MYO18A: variants seen among roughly 807,000 people sequenced by gnomAD.
MYO18A encodes the protein myosin XVIIIA.
In MYO18A, 78 loss-of-function variants were observed where a neutral mutation model predicts 235.8. The observed-to-expected ratio is 0.33, with a 90% CI of 0.28 to 0.40. The LOEUF is 0.40. Ranked by LOEUF, MYO18A falls within the 10% of genes least tolerant of loss-of-function variation. The pLI, the probability that MYO18A is intolerant of heterozygous loss-of-function variation, is 1.00. For missense variants in MYO18A, 2,215 were observed against 2,699.3 expected, an observed-to-expected ratio of 0.82 and a Z score of 3.98; for synonymous variants, 977 against 1,077.8, an observed-to-expected ratio of 0.91 and a Z score of 1.83.
chr17:29,137,765 A>C (rs2067639166), intron 2 of MYO18A, among the ~76,000 whole-genome samples: 2 of 152,204 alleles, frequency 1.3e-5, no homozygotes, highest in Admixed American at 1.3e-4. Context: ...TCCATATAAA[A>C]TGACATCAAT....
chr17:29,079,482 G>T (rs1304134433), intron 41 of MYO18A, among the ~76,000 whole-genome samples: 2 of 152,216 alleles, frequency 1.3e-5, no homozygotes, highest in Non-Finnish European at 2.9e-5. Context: ...CCTGGTTCAG[G>T]GTCAGGACTT....
In MYO18A at chr17:29,116,613, GCACA is replaced by G. The variant is rs144361514; in HGVS notation, c.2039-162_2039-159del. Among the ~76,000 whole-genome samples the G allele has an allele frequency of 4.1e-5, 6 of 144,806 alleles. No homozygotes were observed. The South Asian group carries it at 8.9e-4, about 21-fold the overall frequency. The allele number at this position is 144,806 out of a possible 152,430, so 95.0% of individuals were successfully genotyped here. On this transcript the variant is annotated intron_variant, in intron 10 of 41. Coordinates refer to ENST00000527372, the MANE Select transcript of MYO18A (RefSeq NM_078471.4). Reference sequence around the variant, plus strand: ...AACCACAGTCAGACTTGGGACAAACGCACACACACACAGTCTCCAGGGAGTATGT... The same window carrying G: ...AACCACAGTCAGACTTGGGACAAACGCACACACAGTCTCCAGGGAGTATGT...
At position 29,107,134 on chromosome 17, in the gene MYO18A, G is replaced by T; in HGVS notation, c.3387C>A (p.Ala1129=). ...GCCCGTGTTTCTTGGTCAGGTGCGG[G>T]GCCAGGACATCAAAGCGGCGGCGGA... ...SEFRRRFDVL[A]PHLTKKHGRN... The change falls in exon 20 of 42, where the codon GCC becomes GCA. Residue 1129 remains alanine (A), a synonymous_variant. Transcript: ENST00000527372. 6.2e-7 allele frequency: 1 copy of T among 1,613,974 alleles called. No homozygotes were observed. Among genetic ancestry groups the T allele is most frequent in the Non-Finnish European group, 8.5e-7 (1 of 1,179,870 alleles).
At chr17:29,105,606 G>A (rs2066764705) in intron 20 of MYO18A, among the ~76,000 whole-genome samples, 1 of 152,184 alleles carries the variant, frequency 6.6e-6, no homozygotes, top group Admixed American at 6.5e-5. Flanking sequence ...AGAGAGGTTT[G>A]CAGGAGGCAG....
At chr17:29,171,397 G>A (rs1262800666) in intron 1 of MYO18A, among the ~76,000 whole-genome samples, 1 of 151,678 alleles carries the variant, frequency 6.6e-6, no homozygotes, top group African/African-American at 2.4e-5. Context: ...AGATGATTGC[G>A]CCACTGCACT....
In MYO18A at chr17:29,086,508, G is replaced by A. The variant is rs1236155725; in HGVS notation, c.5782C>T (p.Arg1928Cys). The part of the protein sequence containing the change: ...LQADLKLAFK[R>C]IGDLQAAIED... ...ATGGCAGCCTGCAGGTCCCCGATGCGCTTGAATGCCAACTTTAGGTCAGCC... is the reference window on the plus strand; with the variant it reads ...ATGGCAGCCTGCAGGTCCCCGATGCACTTGAATGCCAACTTTAGGTCAGCC... Residue 1928 changes from arginine (R) to cysteine (C), a missense_variant, in exon 39 of 42, where the codon CGC becomes TGC. Coordinates refer to ENST00000527372, the MANE Select transcript of MYO18A (RefSeq NM_078471.4). The A allele has an allele frequency of 3.1e-6, 5 of 1,612,298 alleles. No homozygotes were observed. Among genetic ancestry groups the A allele is most frequent in the Non-Finnish European group, 4.2e-6 (5 of 1,179,228 alleles).
In MYO18A at chr17:29,119,442, C is replaced by T. The variant is rs758050201; in HGVS notation, c.1729-7G>A. 17 of 1,605,694 alleles carry T rather than the reference C, an allele frequency of 1.1e-5. No individual in the cohort carries two copies. Among genetic ancestry groups the T allele is most frequent in the Non-Finnish European group, 1.2e-5 (14 of 1,176,514 alleles). On this transcript the variant is annotated splice_region_variant and splice_polypyrimidine_tract_variant and intron_variant, in intron 7 of 41. Transcript: ENST00000527372. ...GCTTCTCCAGAAGCATTGTCTGTGA[C>T]ACAGCATGGACGTGTGGGTAAGGAG...
At chr17:29,079,761 C>T (rs1468780947) in intron 41 of MYO18A, 2 of 985,966 alleles carry the variant, frequency 2.0e-6, no homozygotes, top group Non-Finnish European at 2.4e-6. Flanking sequence ...ACAGGTACCG[C>T]ATCATCAGGC....
At position 29,163,323 on chromosome 17, in the gene MYO18A, G is replaced by A. The variant is rs537449789; in HGVS notation, c.999+2619C>T. Among the ~76,000 whole-genome samples, 327 of 152,318 alleles carry A rather than the reference G, an allele frequency of 2.1e-3. 2 individuals are homozygous for A. Among genetic ancestry groups the A allele is most frequent in the African/African-American group, 7.6e-3 (317 of 41,574 alleles). ...AGCCCTGTCCCAGGAAGCTGGAAAC[G>A]CTGGGCTCACCCTGGTCCTCTCTGC... On this transcript the variant is annotated intron_variant, in intron 2 of 41. Coordinates refer to ENST00000527372, the MANE Select transcript of MYO18A (RefSeq NM_078471.4).
Position 29,140,481 on chromosome 17 carries a change from C to A in MYO18A, c.1000-18228G>T. On this transcript the variant is annotated intron_variant, in intron 2 of 41. Transcript: ENST00000527372. This position sits in a 1 kb window ranked among gnomAD's most constrained non-coding sequence, Gnocchi z 4.2. Reference sequence around the variant, plus strand: ...CCCCGGCCCCTCCCGTCCCGAGCTGCCCAGCCCTAGTTGGAGCCAGCAGCC... The same window carrying A: ...CCCCGGCCCCTCCCGTCCCGAGCTGACCAGCCCTAGTTGGAGCCAGCAGCC... The A allele has an allele frequency of 8.5e-7, 1 of 1,171,608 alleles. No homozygotes were observed. Among genetic ancestry groups the A allele is most frequent in the Non-Finnish European group, 1.1e-6 (1 of 923,826 alleles). 72.6% of individuals were successfully genotyped at this position (1,171,608 alleles called of 1,614,324 possible).
intron 2 of MYO18A, among the ~76,000 whole-genome samples, chr17:29,143,284 G>C (rs1382293933): frequency 2.0e-5 from 3 of 152,194 alleles, no homozygotes. Flanking sequence ...CCAGGCTGGA[G>C]TGCAGTGGCA....
chr17:29,091,146 C>G, intron 34 of MYO18A: 1 of 536,582 alleles, frequency 1.9e-6, no homozygotes, highest in Non-Finnish European at 3.3e-6. Flanking sequence ...GACCCTGGGC[C>G]TCTGAGCTGA....
At chr17:29,093,874 A>G (rs369458873) in intron 31 of MYO18A, 106 bp downstream of exon 31, 19 of 781,850 alleles carry the variant, frequency 2.4e-5, no homozygotes, top group African/African-American at 1.7e-4. Flanking sequence ...CCAGAATGAC[A>G]ATGGAAGACG....
intron 21 of MYO18A, among the ~76,000 whole-genome samples, 198 bp from the exon 22 acceptor site, chr17:29,099,960 G>A (rs2066614324): frequency 6.6e-6 from 1 of 152,168 alleles, no homozygotes. Context: ...AGAAGGGGCT[G>A]GGGAGGTTTT....
chr17:29,136,634 A>G (rs2067610548), intron 2 of MYO18A, among the ~76,000 whole-genome samples: 1 of 152,240 alleles, frequency 6.6e-6, no homozygotes, highest in Non-Finnish European at 1.5e-5. Context: ...CATTTTATCG[A>G]GGAGGGAAAA....
intron 21 of MYO18A, among the ~76,000 whole-genome samples, chr17:29,101,587 G>A (rs1228277048): frequency 6.6e-6 from 1 of 152,324 alleles, no homozygotes; most frequent in East Asian, 1.9e-4. Flanking sequence ...GATTGCAGGC[G>A]TGAGCCACCA....
chr17:29,092,559 C>T (rs2066423169), intron 33 of MYO18A, 103 bp from the exon 34 acceptor site: 3 of 956,368 alleles, frequency 3.1e-6, no homozygotes, highest in African/African-American at 3.2e-5. Context: ...CCTTCTCCTC[C>T]TCCATTCACT....
Position 29,118,222 on chromosome 17 carries a change from C to A in MYO18A, c.1894-33G>T. ...GATAGATGACCTCAAAGGGCTGTCCCTCCCAGCACACCCCCATGAGGCTGG... is the reference window on the plus strand; with the variant it reads ...GATAGATGACCTCAAAGGGCTGTCCATCCCAGCACACCCCCATGAGGCTGG... On this transcript the variant is annotated intron_variant, in intron 9 of 41. Transcript: ENST00000527372. The surrounding 1 kb of genome is among the most constrained non-coding windows in gnomAD (Gnocchi z 4.2). 6.3e-7 allele frequency: 1 copy of A among 1,587,090 alleles called. No homozygotes were observed. Among genetic ancestry groups the A allele is most frequent in the Non-Finnish European group, 8.6e-7 (1 of 1,164,884 alleles).
chr17:29,154,686 G>C (rs769615260), intron 2 of MYO18A, among the ~76,000 whole-genome samples: 43 of 152,234 alleles, frequency 2.8e-4, no homozygotes, highest in Non-Finnish European at 1.5e-4. Context: ...GCTGAGAGGA[G>C]GCAGGGCTGT....
Sources: allele counts gnomAD v4.1 joint callset (sites outside exome capture counted in the v4.1 genomes callset), GRCh38; gene constraint gnomAD v4.1.1; non-coding constraint Gnocchi (gnomAD v3.1); transcripts MANE v1.5; gene names NCBI Gene and HGNC (gene_info 2026-07-23, HGNC 2026-07-21).